Variants in MATCAP2 observed in about 807,000 individuals in gnomAD.
MATCAP2 encodes the protein putative tyrosine carboxypeptidase MATCAP2.
chr7:36,372,520 C>T, the MATCAP2 span, among the ~76,000 whole-genome samples: 3 of 152,124 alleles, frequency 2.0e-5, no homozygotes, highest in Admixed American at 2.0e-4. Context: ...AACGCCTCTG[C>T]CTTTTTACCT....
chr7:36,370,178 C>G, the MATCAP2 span, among the ~76,000 whole-genome samples: 8 of 152,300 alleles, frequency 5.3e-5, no homozygotes, highest in East Asian at 1.3e-3. Flanking sequence ...CCTCATCAAG[C>G]TTTCTGCATC....
At chr7:36,357,563 A>C in the MATCAP2 span, 6 of 1,613,252 alleles carry the variant, frequency 3.7e-6, no homozygotes. Flanking sequence ...CTTCTTAGCA[A>C]GTTCTTGCTC....
the MATCAP2 span, among the ~76,000 whole-genome samples, chr7:36,362,755 T>C: frequency 2.0e-5 from 3 of 152,352 alleles, no homozygotes; most frequent in Admixed American, 6.5e-5. Flanking sequence ...TGCTGCTCCC[T>C]GTGTCTGCTG....
chr7:36,365,178 C>T, the MATCAP2 span, among the ~76,000 whole-genome samples: 6 of 152,174 alleles, frequency 3.9e-5, no homozygotes, highest in African/African-American at 1.4e-4. Context: ...ATTTGTATCT[C>T]TACAATGATT....
the MATCAP2 span, chr7:36,367,128 A>T: frequency 8.1e-7 from 1 of 1,227,052 alleles, no homozygotes; most frequent in South Asian, 3.9e-5. Context: ...GACTGTGAGC[A>T]GCGCTTCCAC....
chr7:36,379,813 TACACACAC>T, the MATCAP2 span, among the ~76,000 whole-genome samples: 16,312 of 124,068 alleles, frequency 0.13, 1,364 homozygotes, highest in South Asian at 0.21. Context: ...CAATGGTAAG[TACACACAC>T]ACACACACAC....
the MATCAP2 span, among the ~76,000 whole-genome samples, chr7:36,377,753 A>G: frequency 2.6e-5 from 4 of 152,154 alleles, no homozygotes; most frequent in South Asian, 4.1e-4. Context: ...AAAAATAGAT[A>G]TGCTTTTTCC....
chr7:36,325,899 C>T, the MATCAP2 span: 1 of 151,832 alleles, frequency 6.6e-6, no homozygotes, highest in South Asian at 2.1e-4. Flanking sequence ...CATCAACATC[C>T]AGAACCTACG....
At chr7:36,365,249 T>G in the MATCAP2 span, among the ~76,000 whole-genome samples, 1 of 152,212 alleles carries the variant, frequency 6.6e-6, no homozygotes, top group Non-Finnish European at 1.5e-5. Context: ...ATGTGCACTG[T>G]GACAGAATCT....
the MATCAP2 span, chr7:36,326,755 A>G: frequency 1.9e-5 from 30 of 1,608,852 alleles, no homozygotes; most frequent in African/African-American, 2.9e-4. Flanking sequence ...CCAGAACGCT[A>G]ATTACTATAT....
chr7:36,334,055 T>C, the MATCAP2 span: 1 of 1,614,220 alleles, frequency 6.2e-7, no homozygotes, highest in Non-Finnish European at 8.5e-7. Flanking sequence ...GAATGCTTGC[T>C]AGTCCTTCCT....
chr7:36,344,509 T>A, the MATCAP2 span, among the ~76,000 whole-genome samples: 1 of 152,230 alleles, frequency 6.6e-6, no homozygotes, highest in Non-Finnish European at 1.5e-5. Flanking sequence ...TCCACACTTT[T>A]CTAAGTTTTT....
At chr7:36,348,796 T>C in the MATCAP2 span, among the ~76,000 whole-genome samples, 1 of 152,176 alleles carries the variant, frequency 6.6e-6, no homozygotes, top group African/African-American at 2.4e-5. Context: ...ATAGAGGACA[T>C]TCCATGCAAA....
the MATCAP2 span, among the ~76,000 whole-genome samples, chr7:36,344,964 C>T: frequency 6.4e-4 from 97 of 152,306 alleles, no homozygotes; most frequent in African/African-American, 2.2e-3. Context: ...AGAACCAGAA[C>T]ATCTTAATGT....
chr7:36,383,170 A>G, the MATCAP2 span, among the ~76,000 whole-genome samples: 2 of 152,246 alleles, frequency 1.3e-5, no homozygotes, highest in Non-Finnish European at 2.9e-5. Flanking sequence ...AATACCATTA[A>G]TCATTAATAG....
At chr7:36,361,628 T>C in the MATCAP2 span, among the ~76,000 whole-genome samples, 5 of 152,324 alleles carry the variant, frequency 3.3e-5, no homozygotes, top group East Asian at 1.9e-4. Flanking sequence ...CAGTGGCACA[T>C]GCCTGTAGTC....
chr7:36,367,014 A>T, the MATCAP2 span: 2 of 1,299,644 alleles, frequency 1.5e-6, no homozygotes, highest in Admixed American at 8.4e-5. Context: ...GGCGGCCTCT[A>T]GCCTCTGACC....
the MATCAP2 span, among the ~76,000 whole-genome samples, chr7:36,378,771 G>A: frequency 6.6e-6 from 1 of 152,192 alleles, no homozygotes; most frequent in African/African-American, 2.4e-5. Context: ...CGAGCTTCCT[G>A]GCTGCTTTGT....
At chr7:36,353,022 C>G in the MATCAP2 span, among the ~76,000 whole-genome samples, 1 of 152,004 alleles carries the variant, frequency 6.6e-6, no homozygotes, top group African/African-American at 2.4e-5. Context: ...TACCTGTAAT[C>G]TTAGCACTTT....
Sources: allele counts gnomAD v4.1 joint callset (sites outside exome capture counted in the v4.1 genomes callset), GRCh38; gene constraint gnomAD v4.1.1; transcripts MANE v1.5; gene names NCBI Gene and HGNC (gene_info 2026-07-23, HGNC 2026-07-21).